Variants in POLR3B observed in about 807,000 individuals in gnomAD.
The protein encoded by POLR3B is DNA-directed RNA polymerase III subunit RPC2.
Under a neutral mutation model 147.4 loss-of-function variants are expected in POLR3B, and 96 were observed. The ratio of observed to expected loss-of-function variants is 0.65; its 90% CI spans 0.55 to 0.77. The LOEUF (loss-of-function observed/expected upper bound fraction) is 0.77. POLR3B is among the 30% of genes least tolerant of loss of function. The probability of loss-of-function intolerance (pLI) is 0.00; values close to 1 mark genes in which losing one functional copy is unlikely to be tolerated. For synonymous variants in POLR3B, 461 were observed against 485.9 expected (o/e 0.95, Z 0.67); for missense variants, 1,036 against 1,413.5 (o/e 0.73, Z 4.28).
Position 106,393,125 on chromosome 12 carries a change from A to G in POLR3B, c.818A>G (p.Gln273Arg), listed in dbSNP as rs2036933671. 3 of 1,614,242 alleles carry G rather than the reference A, an allele frequency of 1.9e-6. No homozygotes were observed. Among genetic ancestry groups the G allele is most frequent in the Non-Finnish European group, 2.5e-6 (3 of 1,180,040 alleles). The change falls in exon 10 of 28, where the codon CAG becomes CGG. Residue 273 changes from glutamine to arginine, a missense_variant. This residue lies in a region of POLR3B where 217 missense variants were observed against 288.7 expected (regional missense o/e 0.75). Coordinates refer to ENST00000228347, the MANE Select transcript of POLR3B (RefSeq NM_018082.6). ...AAFGPSLEEC[Q>R]KAQIFTQMQA... is the part of the protein sequence containing the mutation. ...TTTGGGCCCAGTCTGGAAGAGTGCC[A>G]GAAAGCTCAGATTTTCACACAGATG... is the stretch of plus-strand genomic sequence containing the variant.
At chr12:106,402,518 A>G (rs2037082880) in intron 10 of POLR3B, among the ~76,000 whole-genome samples, 1 of 152,248 alleles carries the variant, frequency 6.6e-6, no homozygotes, top group Admixed American at 6.5e-5. Context: ...TTCTAAGCCC[A>G]AAGAACAAAG....
At chr12:106,506,700 C>A (rs1399985123) in intron 27 of POLR3B, among the ~76,000 whole-genome samples, 1 of 152,136 alleles carries the variant, frequency 6.6e-6, no homozygotes, top group Non-Finnish European at 1.5e-5. Context: ...GTTTGAGGGT[C>A]TTTACTGTAA....
intron 19 of POLR3B, chr12:106,446,417 C>CAA (rs10654233): frequency 0.31 from 48,919 of 157,590 alleles, 9,790 homozygotes; most frequent in African/African-American, 0.6. Flanking sequence ...CCTCTCCCCA[C>CAA]AAAAAAAAAA....
chr12:106,399,302 A>G (rs2037027660), intron 10 of POLR3B, among the ~76,000 whole-genome samples: 1 of 152,232 alleles, frequency 6.6e-6, no homozygotes, highest in South Asian at 2.1e-4. Context: ...AAACGAACAA[A>G]GCCTCCAAGA....
intron 19 of POLR3B, among the ~76,000 whole-genome samples, chr12:106,446,873 C>T (rs2037732461): frequency 6.6e-6 from 1 of 152,158 alleles, no homozygotes; most frequent in South Asian, 2.1e-4. Context: ...ACTGAAATAG[C>T]TGCAGAAGTA....
intron 23 of POLR3B, among the ~76,000 whole-genome samples, chr12:106,478,281 C>T (rs950132702): frequency 2.6e-5 from 4 of 152,062 alleles, no homozygotes; most frequent in African/African-American, 7.2e-5. Context: ...CTAGGTAAAA[C>T]GTCAGGAAGG....
At chr12:106,502,293 G>A (rs566699324) in intron 26 of POLR3B, among the ~76,000 whole-genome samples, 2 of 152,164 alleles carry the variant, frequency 1.3e-5, no homozygotes, top group Admixed American at 1.3e-4. Flanking sequence ...CTAGGGGAGG[G>A]AACCCAGGCC....
chr12:106,385,509 C>A (rs2036823700), intron 9 of POLR3B, among the ~76,000 whole-genome samples: 1 of 152,186 alleles, frequency 6.6e-6, no homozygotes. Flanking sequence ...TCCTCTGAGG[C>A]TGAACTAAGT....
At chr12:106,477,891 CTTTTTTTTTTTT>C (rs34915594) in intron 23 of POLR3B, among the ~76,000 whole-genome samples, 8 of 70,550 alleles carry the variant, frequency 1.1e-4, no homozygotes, top group Admixed American at 7.0e-4. Flanking sequence ...GGCTCCTCCC[CTTTTTTTTTTTT>C]TTTTTTTTTT....
At position 106,444,413 on chromosome 12, in the gene POLR3B, T is replaced by C. The variant is rs534396214; in HGVS notation, c.1956-50T>C. 7 of 1,602,106 alleles carry C rather than the reference T, an allele frequency of 4.4e-6. No homozygotes were observed. In the East Asian group the frequency reaches 1.6e-4, roughly 36 times the overall value. On this transcript the variant is annotated intron_variant, in intron 18 of 27. Transcript: ENST00000228347. ...ATTTTTGTACCCTTTAAAAGACATT[T>C]ATTTTTGTACTTGATGCTTAAGATA...
chr12:106,457,482 T>G (rs1479317827), intron 21 of POLR3B, among the ~76,000 whole-genome samples, 186 bp downstream of exon 21: 2 of 152,224 alleles, frequency 1.3e-5, no homozygotes, highest in Non-Finnish European at 2.9e-5. Flanking sequence ...ACACTATGTT[T>G]TTACCTATCA....
intron 23 of POLR3B, among the ~76,000 whole-genome samples, chr12:106,478,670 T>TAATA (rs2038217272): frequency 6.6e-6 from 1 of 152,014 alleles, no homozygotes; most frequent in Non-Finnish European, 1.5e-5. Context: ...TTTAACAGAG[T>TAATA]AATAGAAGGA....
chr12:106,422,519 C>T (rs1359470577), intron 12 of POLR3B, among the ~76,000 whole-genome samples: 1 of 152,098 alleles, frequency 6.6e-6, no homozygotes, highest in Admixed American at 6.5e-5. Flanking sequence ...ATTTTTTAAA[C>T]TTGTGTGTTT....
chr12:106,392,069 T>A (rs373230985), intron 9 of POLR3B, among the ~76,000 whole-genome samples: 7 of 152,312 alleles, frequency 4.6e-5, no homozygotes, highest in African/African-American at 1.7e-4. Flanking sequence ...CCTAGTACCA[T>A]ATGGAATCTA....
chr12:106,421,673 C>G (rs190066118), intron 12 of POLR3B, among the ~76,000 whole-genome samples: 6 of 151,682 alleles, frequency 4.0e-5, no homozygotes, highest in Non-Finnish European at 7.4e-5. Flanking sequence ...CTTTTCCAGT[C>G]TAAATTCTTG....
At chr12:106,435,035 A>C (rs1041536623) in intron 16 of POLR3B, among the ~76,000 whole-genome samples, 1 of 151,620 alleles carries the variant, frequency 6.6e-6, no homozygotes, top group East Asian at 1.9e-4. Context: ...TGCCTGTTAA[A>C]CCTCATTTTC....
intron 22 of POLR3B, 67 bp downstream of exon 22, chr12:106,459,435 C>T (rs922673288): frequency 2.4e-5 from 21 of 887,520 alleles, no homozygotes; most frequent in African/African-American, 4.9e-5. Flanking sequence ...GGGAGAAATT[C>T]GAAGTTAGGT....
intron 27 of POLR3B, among the ~76,000 whole-genome samples, chr12:106,508,510 A>G (rs1010836510): frequency 4.6e-5 from 7 of 152,156 alleles, no homozygotes; most frequent in African/African-American, 1.7e-4. Context: ...CTGGATACCT[A>G]CTGTCCTAGC....
chr12:106,365,494 G>A (rs2036522479), intron 2 of POLR3B, among the ~76,000 whole-genome samples: 1 of 152,140 alleles, frequency 6.6e-6, no homozygotes, highest in South Asian at 2.1e-4. Flanking sequence ...AGCTGTGACT[G>A]TAGGAATGTG....
Sources: gnomAD v4.1 joint callset for allele counts (sites outside exome capture counted in the v4.1 genomes callset) on GRCh38, gnomAD v4.1.1 for gene constraint, gnomAD v4.1.1 regional missense constraint, MANE v1.5 for transcripts, NCBI Gene and HGNC (gene_info 2026-07-23, HGNC 2026-07-21) for gene names.